Variants in VAV3 observed in about 807,000 individuals in gnomAD.
VAV3 encodes the protein guanine nucleotide exchange factor VAV3.
Under a neutral mutation model 131.2 loss-of-function variants are expected in VAV3, and 94 were observed. The observed-to-expected ratio is 0.72, with a 90% CI of 0.61 to 0.85. The LOEUF (loss-of-function observed/expected upper bound fraction) is 0.85, where lower values mean the gene tolerates loss of function less well. Among genes scored for constraint, VAV3 ranks in the 40% least tolerant of loss-of-function variants. The pLI, the probability that VAV3 is intolerant of heterozygous loss-of-function variation, is 0.00. For synonymous variants in VAV3, 349 were observed against 342.0 expected (o/e 1.02, Z -0.22); for missense variants, 939 against 1,002.7 (o/e 0.94, Z 0.86).
chr1:107,917,199 G>C (rs1265178348), intron 1 of VAV3, among the ~76,000 whole-genome samples: 3 of 152,120 alleles, frequency 2.0e-5, no homozygotes, highest in Admixed American at 2.0e-4. Context: ...CAAGAGATGA[G>C]AACCTGTACT....
At chr1:107,805,733 G>C (rs184278602) in intron 2 of VAV3, among the ~76,000 whole-genome samples, 1 of 152,114 alleles carries the variant, frequency 6.6e-6, no homozygotes, top group African/African-American at 2.4e-5. Flanking sequence ...ATGCATCTCC[G>C]TGTCTTTATT....
At chr1:107,821,056 A>C (rs759180152) in intron 2 of VAV3, among the ~76,000 whole-genome samples, 28 of 152,316 alleles carry the variant, frequency 1.8e-4, no homozygotes, top group Non-Finnish European at 3.5e-4. Flanking sequence ...ATACAATATA[A>C]AAAAGCAAGC....
intron 2 of VAV3, among the ~76,000 whole-genome samples, chr1:107,806,699 C>A (rs1379054473): frequency 6.6e-6 from 1 of 151,984 alleles, no homozygotes; most frequent in African/African-American, 2.4e-5. Flanking sequence ...CATTGTAGAC[C>A]AAACCTAACA....
intron 22 of VAV3, 186 bp downstream of exon 22, chr1:107,609,745 C>G (rs530067848): frequency 6.8e-6 from 4 of 590,656 alleles, no homozygotes; most frequent in Non-Finnish European, 1.2e-5. Flanking sequence ...ACACACCCCC[C>G]TCGCAGATAA....
At chr1:107,587,756 A>G (rs550745734) in intron 25 of VAV3, among the ~76,000 whole-genome samples, 56 of 152,114 alleles carry the variant, frequency 3.7e-4, no homozygotes, top group African/African-American at 1.3e-3. Context: ...ACACCGGGCT[A>G]ATTTTTTGTA....
At chr1:107,792,428 C>G (rs1666344493) in intron 2 of VAV3, among the ~76,000 whole-genome samples, 1 of 152,216 alleles carries the variant, frequency 6.6e-6, no homozygotes, top group Non-Finnish European at 1.5e-5. Flanking sequence ...CCACCTCAGG[C>G]TCCTCAGTAG....
intron 1 of VAV3, among the ~76,000 whole-genome samples, chr1:107,964,119 G>A (rs1386746030): frequency 1.3e-5 from 2 of 152,172 alleles, no homozygotes; most frequent in Non-Finnish European, 2.9e-5. Flanking sequence ...GGCCCTGGGG[G>A]CGGCCTCCGG....
chr1:107,851,751 C>T (rs1669243420), intron 2 of VAV3, among the ~76,000 whole-genome samples: 1 of 152,072 alleles, frequency 6.6e-6, no homozygotes, highest in African/African-American at 2.4e-5. Flanking sequence ...CTAATGTCAC[C>T]ATTAGGCAGC....
intron 2 of VAV3, among the ~76,000 whole-genome samples, chr1:107,846,330 G>A (rs1668965126): frequency 6.6e-6 from 1 of 152,188 alleles, no homozygotes; most frequent in African/African-American, 2.4e-5. Flanking sequence ...GCCAGTACCA[G>A]CCACTGCAAA....
At chr1:107,707,159 A>G (rs796804668) in intron 15 of VAV3, among the ~76,000 whole-genome samples, 3 of 152,352 alleles carry the variant, frequency 2.0e-5, no homozygotes, top group African/African-American at 7.2e-5. Context: ...AAAAGAGTAG[A>G]AAGAAACTAT....
chr1:107,742,452 A>C (rs1190490106), intron 15 of VAV3, among the ~76,000 whole-genome samples: 1 of 152,226 alleles, frequency 6.6e-6, no homozygotes, highest in African/African-American at 2.4e-5. Context: ...GGGCCACTAA[A>C]GGTACACCAA....
intron 20 of VAV3, among the ~76,000 whole-genome samples, chr1:107,642,069 A>G (rs1406139831): frequency 6.6e-6 from 1 of 152,178 alleles, no homozygotes; most frequent in East Asian, 1.9e-4. Flanking sequence ...TAATTCGGAT[A>G]GTGTCAGAGG....
intron 15 of VAV3, among the ~76,000 whole-genome samples, chr1:107,745,642 T>C (rs1663296985): frequency 6.6e-6 from 1 of 152,210 alleles, no homozygotes; most frequent in East Asian, 1.9e-4. Flanking sequence ...TGCTTTTCCA[T>C]GGCCTTATTT....
intron 15 of VAV3, among the ~76,000 whole-genome samples, chr1:107,735,408 C>T (rs12082779): frequency 8.5e-5 from 13 of 152,050 alleles, no homozygotes; most frequent in East Asian, 7.7e-4. Context: ...AAAAAATCAA[C>T]GAATCCAAGA....
At chr1:107,627,964 A>G (rs1654156163) in intron 20 of VAV3, among the ~76,000 whole-genome samples, 2 of 152,036 alleles carry the variant, frequency 1.3e-5, no homozygotes, top group African/African-American at 4.8e-5. Flanking sequence ...TGAAACCCAT[A>G]GCTTTTATAT....
intron 15 of VAV3, among the ~76,000 whole-genome samples, chr1:107,722,891 T>C (rs1488383407): frequency 6.9e-6 from 1 of 143,914 alleles, no homozygotes; most frequent in East Asian, 2.0e-4. Context: ...ATTGCATTCA[T>C]AGTGACCTTT....
intron 15 of VAV3, among the ~76,000 whole-genome samples, chr1:107,715,124 C>G (rs774989615): frequency 3.2e-4 from 48 of 152,060 alleles, no homozygotes; most frequent in Non-Finnish European, 1.3e-4. Flanking sequence ...AGTTTCCTCA[C>G]CAATCAAAGA....
chr1:107,745,641 A>T (rs1020718321), intron 15 of VAV3, among the ~76,000 whole-genome samples: 1 of 152,168 alleles, frequency 6.6e-6, no homozygotes, highest in Non-Finnish European at 1.5e-5. Context: ...ATGCTTTTCC[A>T]TGGCCTTATT....
chr1:107,664,714 A>G (rs1170587358), intron 19 of VAV3, among the ~76,000 whole-genome samples: 1 of 152,192 alleles, frequency 6.6e-6, no homozygotes, highest in Non-Finnish European at 1.5e-5. Flanking sequence ...ATTAAAAAAA[A>G]TACTATAGCA....
Sources: allele counts gnomAD v4.1 joint callset (sites outside exome capture counted in the v4.1 genomes callset), GRCh38; gene constraint gnomAD v4.1.1; transcripts MANE v1.5; gene names NCBI Gene and HGNC (gene_info 2026-07-23, HGNC 2026-07-21).